Variants in ARHGEF7 observed in about 807,000 individuals in gnomAD.
The protein encoded by ARHGEF7 is PAK-interacting exchange factor beta.
Under a neutral mutation model 109.8 loss-of-function variants are expected in ARHGEF7, and 33 were observed. The observed-to-expected ratio is 0.30, with a 90% CI of 0.23 to 0.40. ARHGEF7 has a LOEUF of 0.40. Among genes scored for constraint, ARHGEF7 ranks in the 10% least tolerant of loss-of-function variants. The probability of loss-of-function intolerance (pLI) is 1.00; values close to 1 mark genes in which losing one functional copy is unlikely to be tolerated. For synonymous variants in ARHGEF7, 458 were observed against 424.6 expected, an observed-to-expected ratio of 1.08 and a Z score of -0.97; for missense variants, 938 against 1,098.5, an observed-to-expected ratio of 0.85 and a Z score of 2.07.
intron 2 of ARHGEF7, among the ~76,000 whole-genome samples, chr13:111,167,326 T>C (rs922945448): frequency 1.3e-5 from 2 of 152,174 alleles, no homozygotes; most frequent in Admixed American, 1.3e-4. Flanking sequence ...GACTTGTACA[T>C]AGCTTAAAAG....
intron 13 of ARHGEF7, among the ~76,000 whole-genome samples, chr13:111,279,139 T>TA (rs1354263130): frequency 4.6e-5 from 7 of 152,248 alleles, no homozygotes; most frequent in Admixed American, 3.9e-4. Flanking sequence ...CTGTAGGACT[T>TA]ACAGCTGTTA....
At position 111,304,813 on chromosome 13, in the gene ARHGEF7, G is replaced by A. The variant is rs1206785558; in HGVS notation, c.*1700G>A. 6.6e-6 allele frequency: 1 copy of A among 152,250 alleles called. No homozygotes were observed. The highest frequency in any genetic ancestry group is 1.5e-5 in the Non-Finnish European group (1 of 68,060). The allele number at this position is 152,250 out of a possible 1,614,324, so 9.4% of individuals were successfully genotyped here. ...TAGAATTGCCAGCTTCCTCAACTTA[G>A]CAGATCATTCACTCATGCGGGCACA... On this transcript the variant is annotated 3_prime_UTR_variant, in exon 22 of 22. Coordinates refer to ENST00000646102, the MANE Select transcript of ARHGEF7 (RefSeq NM_001354046.2).
chr13:111,217,849 C>T lies in ARHGEF7; in HGVS notation c.639C>T (p.Pro213=), dbSNP rs1412295267. Residue 213 remains proline (P), a synonymous_variant, in exon 5 of 22, where the codon CCC becomes CCT. Coordinates refer to ENST00000646102, the MANE Select transcript of ARHGEF7 (RefSeq NM_001354046.2). The part of the protein sequence containing the change: ...GTLNGRTGWF[P]SNYVREVKAS... Reference sequence around the variant, plus strand: ...TCAACGGCCGGACCGGCTGGTTCCCCAGCAACTACGTGCGCGAGGTCAAGG... The same window carrying T: ...TCAACGGCCGGACCGGCTGGTTCCCTAGCAACTACGTGCGCGAGGTCAAGG... 8 of 1,613,616 alleles carry T rather than the reference C, an allele frequency of 5.0e-6. No individual in the cohort carries two copies. The South Asian group carries it at 5.5e-5, about 11-fold the overall frequency.
chr13:111,220,934 A>G (rs886815992), intron 5 of ARHGEF7, among the ~76,000 whole-genome samples: 5 of 141,340 alleles, frequency 3.5e-5, no homozygotes, highest in African/African-American at 5.2e-5. Context: ...CAGAACTAAT[A>G]GTATTCTCCT....
rs542565279 is a variant in ARHGEF7 at position 111,239,573 on chromosome 13, C to T, written c.760-4299C>T. Among the ~76,000 whole-genome samples, 1 of 152,248 alleles carries T rather than the reference C, an allele frequency of 6.6e-6. No individual in the cohort carries two copies. The highest frequency in any genetic ancestry group is 2.1e-4 in the South Asian group (1 of 4,822). On this transcript the variant is annotated intron_variant, in intron 6 of 21. Transcript: ENST00000646102. This position sits in a 1 kb window ranked among gnomAD's most constrained non-coding sequence, Gnocchi z 4.3. The stretch of plus-strand genomic sequence containing the variant: ...CTTCTGCTTTGCCCTTGGCTTTTCT[C>T]CACCTCAATGAAGATTTCTGTTAAA...
chr13:111,217,478 T>G (rs1050184215), intron 4 of ARHGEF7, among the ~76,000 whole-genome samples: 3 of 152,204 alleles, frequency 2.0e-5, no homozygotes, highest in Admixed American at 2.0e-4. Flanking sequence ...CTTTGAATGC[T>G]GTGAAGAGGG....
chr13:111,211,160 G>C (rs2082441792), intron 4 of ARHGEF7, among the ~76,000 whole-genome samples: 1 of 152,214 alleles, frequency 6.6e-6, no homozygotes, highest in South Asian at 2.1e-4. Context: ...CCTCACAGCA[G>C]CCCCGAGAGG....
chr13:111,203,112 A>G (rs377201260), intron 2 of ARHGEF7: 2 of 1,280,664 alleles, frequency 1.6e-6, no homozygotes, highest in East Asian at 5.6e-5. Flanking sequence ...CCTTGCCACT[A>G]TGAAGGTTAG....
intron 2 of ARHGEF7, among the ~76,000 whole-genome samples, chr13:111,170,869 A>G (rs1244537366): frequency 6.6e-6 from 1 of 152,256 alleles, no homozygotes; most frequent in African/African-American, 2.4e-5. Flanking sequence ...TTTATGGCAG[A>G]TAACAGATAA....
At chr13:111,167,902 G>A (rs556799521) in intron 2 of ARHGEF7, among the ~76,000 whole-genome samples, 4 of 152,312 alleles carry the variant, frequency 2.6e-5, no homozygotes, top group South Asian at 2.1e-4. Context: ...GACATAAGGC[G>A]CTTTCCGGAG....
intron 8 of ARHGEF7, among the ~76,000 whole-genome samples, chr13:111,260,130 G>C (rs947777662): frequency 2.0e-5 from 3 of 152,134 alleles, no homozygotes; most frequent in Non-Finnish European, 4.4e-5. Context: ...AGCCCCAAAA[G>C]GGCAAATCCA....
rs752274997 is a variant in ARHGEF7, at chr13:111,153,967, C to A, written c.228C>A (p.Gly76=). The change falls in exon 2 of 22, where the codon GGC becomes GGA. Residue 76 remains glycine, a synonymous_variant. Transcript: ENST00000646102. Reference sequence around the variant, plus strand: ...GCAACATCCGCGAGTTCCTGCGCGGCTGCGGGGCTTCCCTGCGGCTGGAGG... The same window carrying A: ...GCAACATCCGCGAGTTCCTGCGCGGATGCGGGGCTTCCCTGCGGCTGGAGG... ...CLSNIREFLR[G]CGASLRLETF... 1 of 1,603,738 alleles carries A rather than the reference C, an allele frequency of 6.2e-7. No individual in the cohort carries two copies. The highest frequency in any genetic ancestry group is 1.4e-5 in the African/African-American group (1 of 73,166).
At chr13:111,118,117 A>G (rs1247010994) in intron 1 of ARHGEF7, among the ~76,000 whole-genome samples, 1 of 152,250 alleles carries the variant, frequency 6.6e-6, no homozygotes, top group Non-Finnish European at 1.5e-5. Flanking sequence ...CAGGCTCACA[A>G]CCTGGCATGG....
At chr13:111,225,007 AT>A (rs1370659099) in intron 5 of ARHGEF7, among the ~76,000 whole-genome samples, 1 of 152,202 alleles carries the variant, frequency 6.6e-6, no homozygotes, top group Non-Finnish European at 1.5e-5. Context: ...TAGGGAGCGT[AT>A]TATAGCATTA....
At chr13:111,118,244 T>C (rs2066934907) in intron 1 of ARHGEF7, among the ~76,000 whole-genome samples, 1 of 152,258 alleles carries the variant, frequency 6.6e-6, no homozygotes, top group African/African-American at 2.4e-5. Context: ...GCTCATTTGT[T>C]CTGTTTCAGA....
chr13:111,244,087 A>G (rs948653971), intron 7 of ARHGEF7, 112 bp from the exon 8 acceptor site: 1 of 1,200,290 alleles, frequency 8.3e-7, no homozygotes, highest in Non-Finnish European at 1.2e-6. Flanking sequence ...AGTTTGCCTT[A>G]GACATCAGCT....
intron 8 of ARHGEF7, among the ~76,000 whole-genome samples, chr13:111,245,020 G>A (rs2088542946): frequency 1.3e-5 from 2 of 152,210 alleles, no homozygotes; most frequent in Admixed American, 6.5e-5. Context: ...TATGGCAGAT[G>A]AGGCAAAACT....
chr13:111,265,946 A>T (rs115690912), intron 8 of ARHGEF7, among the ~76,000 whole-genome samples: 1,917 of 152,272 alleles, frequency 0.013, 40 homozygotes, highest in African/African-American at 0.043. Context: ...GGGCGGACTG[A>T]GGCCGTGTGC....
At chr13:111,133,812 T>TATATATATATAAATAA (rs1555341569) in intron 1 of ARHGEF7, among the ~76,000 whole-genome samples, 8 of 62,548 alleles carry the variant, frequency 1.3e-4, no homozygotes, top group African/African-American at 4.0e-4. Flanking sequence ...TATATATATA[T>TATATATATATAAATAA]ATTTATTATA....
Sources: gnomAD v4.1 joint callset for allele counts (sites outside exome capture counted in the v4.1 genomes callset) on GRCh38, gnomAD v4.1.1 for gene constraint, Gnocchi (gnomAD v3.1) non-coding constraint, MANE v1.5 for transcripts, NCBI Gene and HGNC (gene_info 2026-07-23, HGNC 2026-07-21) for gene names.